ANK2: variants seen among roughly 807,000 people sequenced by gnomAD.
ANK2 encodes the protein ankyrin-2.
Under a neutral mutation model 360.5 loss-of-function variants are expected in ANK2, and 83 were observed. That is an observed-to-expected ratio of 0.23 (90% confidence interval 0.19 to 0.28). ANK2 has a LOEUF of 0.28. ANK2 is among the 10% of genes least tolerant of loss of function. The pLI is 1.00. For missense variants in ANK2, 4,201 were observed against 4,795.7 expected, an observed-to-expected ratio of 0.88 and a Z score of 3.66; for synonymous variants, 1,740 against 1,759.5, an observed-to-expected ratio of 0.99 and a Z score of 0.28.
chr4:112,937,531 T>C (rs2154243399), intron 2 of ANK2, among the ~76,000 whole-genome samples: 1 of 152,074 alleles, frequency 6.6e-6, no homozygotes, highest in African/African-American at 2.4e-5. Context: ...TTTCGCCATG[T>C]TGGCCAGGCT....
At chr4:113,163,764 CAAAAAAAAAAA>C (rs1158530849) in intron 1 of ANK2, among the ~76,000 whole-genome samples, 10 of 55,046 alleles carry the variant, frequency 1.8e-4, no homozygotes, top group Non-Finnish European at 2.3e-4. Flanking sequence ...AACTTCGTCT[CAAAAAAAAAAA>C]AAAAAAAAAA....
chr4:113,212,964 T>C (rs545609987), intron 4 of ANK2, among the ~76,000 whole-genome samples: 7 of 152,302 alleles, frequency 4.6e-5, no homozygotes, highest in African/African-American at 1.7e-4. Context: ...GTATATGAAA[T>C]TGCATTCACC....
chr4:113,098,028 G>A (rs1313739458), intron 1 of ANK2, among the ~76,000 whole-genome samples: 1 of 151,178 alleles, frequency 6.6e-6, no homozygotes, highest in Non-Finnish European at 1.5e-5. Context: ...TATTGGACAA[G>A]CCATGTTTCA....
chr4:113,142,791 AGTT>A (rs1481080475), intron 1 of ANK2, among the ~76,000 whole-genome samples: 1 of 152,100 alleles, frequency 6.6e-6, no homozygotes, highest in African/African-American at 2.4e-5. Context: ...GTATTCCAAC[AGTT>A]GTCAGCATGT....
the ANK2 span, among the ~76,000 whole-genome samples, chr4:112,787,158 T>C: frequency 4.6e-5 from 7 of 152,226 alleles, no homozygotes; most frequent in African/African-American, 9.6e-5. Context: ...TTGTTAAATA[T>C]GCAATGGCAA....
intron 1 of ANK2, among the ~76,000 whole-genome samples, chr4:112,855,210 T>G (rs1284352579): frequency 6.6e-6 from 1 of 152,224 alleles, no homozygotes. Context: ...TGGGTGGCAC[T>G]GCCTGCTGGG....
rs1313195804 is a variant in ANK2 at position 113,365,170 on chromosome 4, G to A, written c.11020G>A (p.Asp3674Asn). ...YAEIEQTITLDHSEGFSVLQE... is the reference protein window; with the variant it reads ...YAEIEQTITLNHSEGFSVLQE... ...AGAAATTGAACAGACCATTACACTGGATCATAGTGAAGGTCAAACTGTGTG... is the reference window on the plus strand; with the variant it reads ...AGAAATTGAACAGACCATTACACTGAATCATAGTGAAGGTCAAACTGTGTG... Residue 3674 changes from aspartate (D) to asparagine (N), a missense_variant, in exon 41 of 46, where the codon GAT (aspartate) becomes AAT (asparagine). Physicochemically the swap from Asp to Asn is conservative, Grantham distance 23. Coordinates refer to ENST00000357077, the MANE Select transcript of ANK2 (RefSeq NM_001148.6). 2.5e-6 allele frequency: 4 copies of A among 1,611,778 alleles called. No homozygotes were observed. The highest frequency in any genetic ancestry group is 2.2e-5 in the East Asian group (1 of 44,750).
At chr4:113,316,766 A>G (rs554325224) in intron 24 of ANK2, among the ~76,000 whole-genome samples, 1 of 152,370 alleles carries the variant, frequency 6.6e-6, no homozygotes, top group South Asian at 2.1e-4. Context: ...ATGAGATTGC[A>G]TCTATGCAAA....
At chr4:113,339,189 T>G in intron 31 of ANK2, 37 bp from the exon 32 acceptor site, 1 of 1,537,104 alleles carries the variant, frequency 6.5e-7, no homozygotes. Flanking sequence ...GAGTCTGGAG[T>G]TTTGCCTGAT....
intron 4 of ANK2, among the ~76,000 whole-genome samples, chr4:113,221,711 T>A (rs1013826933): frequency 2.7e-5 from 4 of 150,656 alleles, no homozygotes; most frequent in African/African-American, 9.8e-5. Flanking sequence ...AAAATGACAA[T>A]GTAGATAAGT....
chr4:112,953,769 G>A (rs1033085485), intron 2 of ANK2, among the ~76,000 whole-genome samples: 7 of 152,066 alleles, frequency 4.6e-5, no homozygotes, highest in Non-Finnish European at 1.0e-4. Context: ...GAATTTTGAC[G>A]AGGATTATTA....
At chr4:112,756,250 AG>A in the ANK2 span, among the ~76,000 whole-genome samples, 2 of 146,024 alleles carry the variant, frequency 1.4e-5, no homozygotes, top group Non-Finnish European at 2.9e-5. Context: ...AAAAAAAAAA[AG>A]ACAGAGTCTC....
At chr4:112,807,773 C>A in the ANK2 span, among the ~76,000 whole-genome samples, 1 of 152,170 alleles carries the variant, frequency 6.6e-6, no homozygotes, top group Admixed American at 6.5e-5. Context: ...TTGGGCAATT[C>A]CCCAGAAACA....
chr4:113,014,249 C>A (rs544495340), intron 2 of ANK2, among the ~76,000 whole-genome samples: 124 of 152,234 alleles, frequency 8.1e-4, no homozygotes, highest in Middle Eastern at 3.4e-3. Flanking sequence ...TATCAAGCTG[C>A]TCATAGTCTA....
chr4:112,707,176 A>G, the ANK2 span, among the ~76,000 whole-genome samples: 1 of 152,234 alleles, frequency 6.6e-6, no homozygotes, highest in African/African-American at 2.4e-5. Context: ...GTGCAGGAAA[A>G]TAATGCCCAA....
intron 2 of ANK2, among the ~76,000 whole-genome samples, chr4:112,916,044 T>C (rs780396569): frequency 1.1e-4 from 16 of 152,292 alleles, no homozygotes; most frequent in Admixed American, 2.0e-4. Flanking sequence ...AGATGCTCCA[T>C]TGAGAAAAAC....
intron 21 of ANK2, chr4:113,292,835 T>A: frequency 4.9e-6 from 2 of 410,882 alleles, no homozygotes; most frequent in Non-Finnish European, 9.2e-6. Flanking sequence ...CTCGCCTTCT[T>A]AAGGGAGCAC....
At chr4:113,250,363 G>C (rs2045477449) in intron 10 of ANK2, among the ~76,000 whole-genome samples, 2 of 152,142 alleles carry the variant, frequency 1.3e-5, no homozygotes, top group Non-Finnish European at 2.9e-5. Context: ...GATTTGGAAA[G>C]TACAAGTTGC....
chr4:113,258,207 C>G (rs1586376462), intron 12 of ANK2, 59 bp downstream of exon 12: 2 of 1,576,942 alleles, frequency 1.3e-6, no homozygotes, highest in East Asian at 4.5e-5. Flanking sequence ...TCCTCCCTTT[C>G]CTTTTTCTCA....
Sources: allele counts gnomAD v4.1 joint callset (sites outside exome capture counted in the v4.1 genomes callset), GRCh38; gene constraint gnomAD v4.1.1; transcripts MANE v1.5; gene names NCBI Gene and HGNC (gene_info 2026-07-23, HGNC 2026-07-21).